Variants in RBFOX1 observed in about 807,000 individuals in gnomAD.
RBFOX1 encodes RNA binding fox-1 homolog 1.
A neutral mutation model predicts 57.7 loss-of-function variants in RBFOX1; 8 were observed. That is an observed-to-expected ratio of 0.14 (90% CI 0.08 to 0.25). RBFOX1 has a LOEUF of 0.25. RBFOX1 is among the 10% of genes least tolerant of loss of function. The probability of loss-of-function intolerance (pLI) is 1.00; values close to 1 mark genes in which losing one functional copy is unlikely to be tolerated. For missense variants in RBFOX1, 611 were observed against 548.5 expected (o/e 1.11, Z -1.14); for synonymous variants, 326 against 222.4 (o/e 1.47, Z -4.15).
At chr16:6,775,329 C>CA (rs371277644) in intron 3 of RBFOX1, among the ~76,000 whole-genome samples, 20,376 of 66,774 alleles carry the variant, frequency 0.31, 3,724 homozygotes, top group Non-Finnish European at 0.41. Context: ...GACTCTGTCT[C>CA]AAAAAAAAAA....
intron 4 of RBFOX1, among the ~76,000 whole-genome samples, chr16:5,908,876 G>C (rs1398730708): frequency 6.6e-6 from 1 of 151,938 alleles, no homozygotes; most frequent in Non-Finnish European, 1.5e-5. Context: ...TGTCCTTATA[G>C]AAGAGGTCAC....
intron 1 of RBFOX1, among the ~76,000 whole-genome samples, chr16:5,336,875 T>G (rs1319994581): frequency 6.6e-6 from 1 of 152,196 alleles, no homozygotes; most frequent in Non-Finnish European, 1.5e-5. Context: ...ATGCCAGAGC[T>G]GATGGATTTG....
chr16:7,468,875 C>G (rs990486749), intron 4 of RBFOX1, among the ~76,000 whole-genome samples: 2 of 152,042 alleles, frequency 1.3e-5, no homozygotes, highest in African/African-American at 4.8e-5. Context: ...ATCACAGGGT[C>G]CCGTCCAAAT....
At chr16:5,338,876 C>G (rs987840883) in intron 1 of RBFOX1, among the ~76,000 whole-genome samples, 2 of 152,130 alleles carry the variant, frequency 1.3e-5, no homozygotes, top group Admixed American at 1.3e-4. Context: ...GTCCTGACCT[C>G]AAGCAATCCT....
chr16:5,727,244 CCTGGG>C (rs370359468), intron 3 of RBFOX1, among the ~76,000 whole-genome samples: 3,741 of 151,990 alleles, frequency 0.025, 140 homozygotes, highest in African/African-American at 0.083. Context: ...TGCACTCCAG[CCTGGG>C]CAACAGAGTA....
intron 2 of RBFOX1, among the ~76,000 whole-genome samples, chr16:5,482,473 C>G (rs1306188966): frequency 6.6e-6 from 1 of 152,188 alleles, no homozygotes; most frequent in Non-Finnish European, 1.5e-5. Flanking sequence ...GGGAAGACAG[C>G]CAGGGCTGCC....
At chr16:7,550,989 G>T (rs1239218391) in intron 5 of RBFOX1, among the ~76,000 whole-genome samples, 1 of 151,062 alleles carries the variant, frequency 6.6e-6, no homozygotes, top group Non-Finnish European at 1.5e-5. Flanking sequence ...AGCTACTCAG[G>T]AGGCTGAGGC....
At chr16:5,493,041 C>G (rs1314320696) in intron 2 of RBFOX1, among the ~76,000 whole-genome samples, 2 of 152,206 alleles carry the variant, frequency 1.3e-5, no homozygotes, top group Non-Finnish European at 2.9e-5. Context: ...CAGCTATGTA[C>G]ATTCACTTAC....
intron 4 of RBFOX1, among the ~76,000 whole-genome samples, chr16:7,461,328 C>T (rs778721924): frequency 1.4e-4 from 22 of 152,070 alleles, no homozygotes; most frequent in Admixed American, 3.3e-4. Flanking sequence ...CCACCACACC[C>T]GGCTAATTTT....
chr16:5,386,044 G>T lies in RBFOX1; in HGVS notation c.220-81172G>T, dbSNP rs566129653. Reference sequence around the variant, plus strand: ...CAACACTTCACGTTGCCTAGGGAAGGGACTGTGTTTGCCAAGATGGAATAA... The same window carrying T: ...CAACACTTCACGTTGCCTAGGGAAGTGACTGTGTTTGCCAAGATGGAATAA... On this transcript the variant is annotated intron_variant, in intron 1 of 2. Coordinates refer to the RBFOX1 transcript ENST00000585867. Among the ~76,000 whole-genome samples, 6 of 151,970 alleles carry T rather than the reference G, an allele frequency of 3.9e-5. No individual in the cohort carries two copies. The South Asian group carries it at 1.2e-3, about 32-fold the overall frequency.
intron 1 of RBFOX1, 128 bp from the exon 2 acceptor site, chr16:6,316,867 T>A: frequency 3.2e-6 from 2 of 620,262 alleles, no homozygotes; most frequent in Non-Finnish European, 5.5e-6. Flanking sequence ...CCATCATTGC[T>A]GTTAAATTCA....
intron 5 of RBFOX1, among the ~76,000 whole-genome samples, chr16:7,542,291 C>T (rs191032284): frequency 3.5e-4 from 54 of 152,208 alleles, no homozygotes; most frequent in Non-Finnish European, 6.8e-4. Context: ...GATACAGGGA[C>T]CTGTGACAAA....
At chr16:5,308,600 T>A (rs1045869024) in intron 1 of RBFOX1, among the ~76,000 whole-genome samples, 4 of 152,220 alleles carry the variant, frequency 2.6e-5, no homozygotes, top group African/African-American at 9.6e-5. Flanking sequence ...TTTGACTATA[T>A]TTAGTAAAAT....
intron 3 of RBFOX1, among the ~76,000 whole-genome samples, chr16:7,006,388 T>A (rs2093299923): frequency 6.6e-6 from 1 of 152,094 alleles, no homozygotes; most frequent in African/African-American, 2.4e-5. Flanking sequence ...TTTCTGACCT[T>A]GTGATCCACC....
chr16:5,241,457 G>C (rs1252749066), intron 1 of RBFOX1, among the ~76,000 whole-genome samples: 1 of 152,226 alleles, frequency 6.6e-6, no homozygotes. Flanking sequence ...CTCTGCCAAA[G>C]ACCAGGATAC....
intron 1 of RBFOX1, among the ~76,000 whole-genome samples, chr16:6,167,283 A>G (rs766143268): frequency 2.0e-5 from 3 of 152,068 alleles, no homozygotes; most frequent in Non-Finnish European, 4.4e-5. Flanking sequence ...TTACCTTTCC[A>G]AATTGCACCT....
chr16:6,217,174 C>CTTTTTTTTTT (rs71142697), intron 1 of RBFOX1, among the ~76,000 whole-genome samples: 1 of 119,056 alleles, frequency 8.4e-6, no homozygotes, highest in Non-Finnish European at 1.6e-5. Flanking sequence ...TTAGGGGATT[C>CTTTTTTTTTT]TTTTTTTTTT....
At chr16:6,810,027 C>CTT (rs71145299) in intron 3 of RBFOX1, among the ~76,000 whole-genome samples, 18,646 of 142,566 alleles carry the variant, frequency 0.13, 1,317 homozygotes, top group Non-Finnish European at 0.16. Context: ...TCTCTCTCAC[C>CTT]TTTTTTTTTT....
chr16:6,859,338 C>G (rs1470673461), intron 3 of RBFOX1, among the ~76,000 whole-genome samples: 1 of 151,236 alleles, frequency 6.6e-6, no homozygotes, highest in Admixed American at 6.6e-5. Context: ...AAGAAAGAGT[C>G]AAAAATTCTA....
Sources: gnomAD v4.1 joint callset for allele counts (sites outside exome capture counted in the v4.1 genomes callset) on GRCh38, gnomAD v4.1.1 for gene constraint, MANE v1.5 for transcripts, NCBI Gene and HGNC (gene_info 2026-07-23, HGNC 2026-07-21) for gene names.